DAB1: variants seen among roughly 807,000 people sequenced by gnomAD.
DAB1 encodes DAB adaptor protein 1.
Under a neutral mutation model 64.6 loss-of-function variants are expected in DAB1, and 15 were observed. That is an observed-to-expected ratio of 0.23 (90% CI 0.16 to 0.36). The LOEUF is 0.36. DAB1 is among the 10% of genes least tolerant of loss of function. DAB1 has a pLI of 1.00. For synonymous variants in DAB1, 235 were observed against 251.9 expected, an observed-to-expected ratio of 0.93 and a Z score of 0.64; for missense variants, 596 against 706.7, an observed-to-expected ratio of 0.84 and a Z score of 1.78.
At chr1:57,680,122 A>G (rs1025289283) in intron 6 of DAB1, among the ~76,000 whole-genome samples, 8 of 152,234 alleles carry the variant, frequency 5.3e-5, no homozygotes, top group East Asian at 3.8e-4. Context: ...TGAAAATTCA[A>G]TATGAGAAAA....
At chr1:57,521,410 A>G (rs140544450) in intron 7 of DAB1, among the ~76,000 whole-genome samples, 1 of 152,160 alleles carries the variant, frequency 6.6e-6, no homozygotes, top group African/African-American at 2.4e-5. Context: ...TTGCTGATGA[A>G]TCTTGGGAGT....
chr1:57,107,848 G>C (rs1422070024), intron 4 of DAB1, among the ~76,000 whole-genome samples: 2 of 152,106 alleles, frequency 1.3e-5, no homozygotes, highest in Non-Finnish European at 2.9e-5. Context: ...GACAACCTCT[G>C]CTTCTTCCCA....
At chr1:58,137,808 G>A (rs1018236782) in intron 5 of DAB1, among the ~76,000 whole-genome samples, 1 of 152,142 alleles carries the variant, frequency 6.6e-6, no homozygotes, top group East Asian at 1.9e-4. Context: ...ACATATTCAA[G>A]TGTCACAAAT....
chr1:57,239,084 T>C (rs1668318219), intron 2 of DAB1, among the ~76,000 whole-genome samples: 1 of 152,204 alleles, frequency 6.6e-6, no homozygotes, highest in African/African-American at 2.4e-5. Context: ...CTCTTGCTGT[T>C]GGTCAAGCCC....
At chr1:57,411,902 A>C (rs558184570) in intron 1 of DAB1, among the ~76,000 whole-genome samples, 1 of 152,252 alleles carries the variant, frequency 6.6e-6, no homozygotes, top group African/African-American at 2.4e-5. Context: ...ACTTCGCCTT[A>C]TTGCACTTCA....
chr1:58,506,794 T>C (rs1645996641), intron 2 of DAB1, among the ~76,000 whole-genome samples: 1 of 152,200 alleles, frequency 6.6e-6, no homozygotes, highest in African/African-American at 2.4e-5. Context: ...ACATGTTTAT[T>C]ATGCACATCA....
At chr1:58,132,503 A>G (rs547200498) in intron 5 of DAB1, among the ~76,000 whole-genome samples, 1 of 152,048 alleles carries the variant, frequency 6.6e-6, no homozygotes, top group African/African-American at 2.4e-5. Flanking sequence ...AATCTTTTTC[A>G]AAACATCAGT....
chr1:57,687,469 G>C (rs1646711839), intron 6 of DAB1, among the ~76,000 whole-genome samples: 1 of 151,972 alleles, frequency 6.6e-6, no homozygotes, highest in East Asian at 1.9e-4. Context: ...ACTGCCCAAA[G>C]TAATCTACAG....
At chr1:58,167,410 TGCACCAATCAGCACTCTGTAAAAAC>T (rs1267970271) in intron 4 of DAB1, among the ~76,000 whole-genome samples, 1 of 151,750 alleles carries the variant, frequency 6.6e-6, no homozygotes, top group African/African-American at 2.4e-5. Flanking sequence ...GGATTGTAAA[TGCACCAATCAGCACTCTGTAAAAAC>T]GCACCAATCA....
At chr1:58,315,101 T>C (rs1374434037) in intron 4 of DAB1, among the ~76,000 whole-genome samples, 2 of 152,154 alleles carry the variant, frequency 1.3e-5, no homozygotes, top group Non-Finnish European at 2.9e-5. Context: ...AGTTTAGAAA[T>C]TGAGGGTGAG....
intron 7 of DAB1, among the ~76,000 whole-genome samples, chr1:57,614,106 C>T (rs989085578): frequency 3.9e-5 from 6 of 152,182 alleles, no homozygotes; most frequent in African/African-American, 1.4e-4. Context: ...TCGAAAGGGG[C>T]AGCTGCTGCT....
At chr1:57,695,043 T>A (rs1005824647) in intron 6 of DAB1, among the ~76,000 whole-genome samples, 1 of 151,886 alleles carries the variant, frequency 6.6e-6, no homozygotes, top group Non-Finnish European at 1.5e-5. Context: ...TAAATTATTA[T>A]TGTTTTCAAA....
intron 1 of DAB1, among the ~76,000 whole-genome samples, chr1:57,846,237 A>G (rs1250370511): frequency 1.3e-5 from 2 of 152,108 alleles, no homozygotes; most frequent in Non-Finnish European, 2.9e-5. Flanking sequence ...AGGTGGGCAG[A>G]TCACGAGGTC....
chr1:58,113,696 A>G (rs1017217370), intron 5 of DAB1, among the ~76,000 whole-genome samples: 6 of 152,130 alleles, frequency 3.9e-5, no homozygotes, highest in African/African-American at 7.2e-5. Context: ...GGGGAGCTCA[A>G]ATAGGGGCAG....
intron 1 of DAB1, among the ~76,000 whole-genome samples, chr1:57,350,943 A>T (rs553515481): frequency 6.6e-6 from 1 of 152,302 alleles, no homozygotes; most frequent in Non-Finnish European, 1.5e-5. Flanking sequence ...ATAAATAAGA[A>T]GAGGCCCCTG....
chr1:58,182,908 T>A (rs960947903), intron 4 of DAB1, among the ~76,000 whole-genome samples: 1 of 152,030 alleles, frequency 6.6e-6, no homozygotes, highest in Non-Finnish European at 1.5e-5. Context: ...ATATTTTAGA[T>A]AACATATTAT....
chr1:57,643,163 T>G (rs889477250), intron 7 of DAB1, among the ~76,000 whole-genome samples: 5 of 152,198 alleles, frequency 3.3e-5, no homozygotes, highest in Non-Finnish European at 7.3e-5. Context: ...TACCTGCCAA[T>G]TACGGAGATT....
At chr1:57,110,985 A>G (rs539990135) in intron 4 of DAB1, among the ~76,000 whole-genome samples, 1 of 152,070 alleles carries the variant, frequency 6.6e-6, no homozygotes, top group African/African-American at 2.4e-5. Context: ...ATTATTGAAT[A>G]AACAGAAATA....
In DAB1 at chr1:57,938,439, G is replaced by A. The variant is rs572728537; in HGVS notation, n.388-54277C>T. Among the ~76,000 whole-genome samples, 109 of 152,144 alleles carry A rather than the reference G, an allele frequency of 7.2e-4. 1 individual carries two copies. Among genetic ancestry groups the A allele is most frequent in the African/African-American group, 2.6e-3 (106 of 41,484 alleles). ...TAGTGGGAGCTGATTGGATCATGGG[G>A]GCAGTTCCCCCCATGCTGTTCTCGT... On this transcript the variant is annotated intron_variant and non_coding_transcript_variant, in intron 5 of 20. Coordinates refer to the DAB1 transcript ENST00000485760.
Sources: gnomAD v4.1 joint callset for allele counts (sites outside exome capture counted in the v4.1 genomes callset) on GRCh38, gnomAD v4.1.1 for gene constraint, MANE v1.5 for transcripts, NCBI Gene and HGNC (gene_info 2026-07-23, HGNC 2026-07-21) for gene names.